Variants in EBF2 observed in about 807,000 individuals in gnomAD.
EBF2 encodes transcription factor COE2.
In EBF2, 21 loss-of-function variants were observed where a neutral mutation model predicts 72.8. The observed-to-expected ratio is 0.29, with a 90% CI of 0.20 to 0.42. The LOEUF (loss-of-function observed/expected upper bound fraction) is 0.42. EBF2 is among the 10% of genes least tolerant of loss of function. The pLI is 1.00. For synonymous variants in EBF2, 299 were observed against 274.2 expected (o/e 1.09, Z -0.89); for missense variants, 637 against 731.2 (o/e 0.87, Z 1.49).
At chr8:25,945,575 A>G (rs139795104) in intron 6 of EBF2, among the ~76,000 whole-genome samples, 142 of 151,818 alleles carry the variant, frequency 9.4e-4, no homozygotes, top group African/African-American at 3.3e-3. Context: ...ACACAGAACC[A>G]ACTATTTCTT....
intron 6 of EBF2, among the ~76,000 whole-genome samples, chr8:26,011,484 T>C (rs1403551024): frequency 6.6e-6 from 1 of 150,854 alleles, no homozygotes; most frequent in Non-Finnish European, 1.5e-5. Context: ...TCTCCCTGCC[T>C]CAACTTTCAA....
chr8:25,970,309 G>A (rs550441871), intron 6 of EBF2, among the ~76,000 whole-genome samples: 6 of 152,134 alleles, frequency 3.9e-5, no homozygotes, highest in South Asian at 2.1e-4. Context: ...CATTCGCTTC[G>A]ACAGGAGCCT....
At chr8:25,918,205 C>T (rs1038152628) in intron 6 of EBF2, among the ~76,000 whole-genome samples, 5 of 152,186 alleles carry the variant, frequency 3.3e-5, no homozygotes, top group African/African-American at 9.6e-5. Flanking sequence ...AGCTTTCTAC[C>T]TATCGCAACT....
At chr8:25,931,754 C>T (rs1319075572) in intron 6 of EBF2, among the ~76,000 whole-genome samples, 3 of 152,016 alleles carry the variant, frequency 2.0e-5, no homozygotes, top group African/African-American at 7.2e-5. Flanking sequence ...TGTAGATCTT[C>T]CATCTTTCGT....
intron 6 of EBF2, among the ~76,000 whole-genome samples, chr8:25,922,597 A>G (rs1249357293): frequency 5.3e-5 from 8 of 152,228 alleles, no homozygotes; most frequent in Admixed American, 6.5e-5. Context: ...CAACACACTC[A>G]CATCCATATA....
At chr8:25,899,916 G>A (rs938975073) in intron 7 of EBF2, among the ~76,000 whole-genome samples, 4 of 152,086 alleles carry the variant, frequency 2.6e-5, no homozygotes, top group Admixed American at 6.5e-5. Context: ...ATTCCCATCC[G>A]GCAGATCTTT....
chr8:25,948,262 C>G (rs535090715), intron 6 of EBF2, among the ~76,000 whole-genome samples: 3 of 152,170 alleles, frequency 2.0e-5, no homozygotes, highest in Non-Finnish European at 4.4e-5. Context: ...TCCACCCCAG[C>G]GCAAGGGCTC....
rs1455681101 is a variant in EBF2, at chr8:25,878,493, C to T, written c.1009+8262G>A. 3.3e-5 allele frequency among the ~76,000 whole-genome samples: 5 copies of T among 152,280 alleles called. No individual in the cohort carries two copies. The South Asian group carries it at 6.2e-4, about 19-fold the overall frequency. On this transcript the variant is annotated intron_variant, in intron 10 of 15. Transcript: ENST00000520164. ...GGAAGCCACTGATAGTGGATGAAGACGAAATTGGCTTTTCATGTCAGTAGC... is the reference window on the plus strand; with the variant it reads ...GGAAGCCACTGATAGTGGATGAAGATGAAATTGGCTTTTCATGTCAGTAGC...
intron 10 of EBF2, among the ~76,000 whole-genome samples, chr8:25,863,553 C>A (rs1317684823): frequency 6.6e-6 from 1 of 151,998 alleles, no homozygotes; most frequent in Non-Finnish European, 1.5e-5. Context: ...TTCATTTATT[C>A]TTTAAAAGTT....
chr8:25,864,036 A>T (rs766886220), intron 10 of EBF2, among the ~76,000 whole-genome samples: 7 of 152,182 alleles, frequency 4.6e-5, no homozygotes, highest in Admixed American at 1.3e-4. Context: ...TCCTAATATC[A>T]GGCAATTAAT....
chr8:26,011,065 A>T (rs1804973818), intron 6 of EBF2, among the ~76,000 whole-genome samples: 1 of 152,126 alleles, frequency 6.6e-6, no homozygotes, highest in Non-Finnish European at 1.5e-5. Flanking sequence ...TAATAACTCC[A>T]CTGCTTCGGA....
chr8:25,913,706 G>C (rs753845185), intron 6 of EBF2, among the ~76,000 whole-genome samples: 1 of 152,132 alleles, frequency 6.6e-6, no homozygotes, highest in African/African-American at 2.4e-5. Context: ...GCTGTATCTG[G>C]TTCTCTTTCT....
At chr8:26,027,390 G>A (rs1026729101) in intron 6 of EBF2, among the ~76,000 whole-genome samples, 4 of 151,940 alleles carry the variant, frequency 2.6e-5, no homozygotes, top group Non-Finnish European at 5.9e-5. Context: ...TGGACCAAAG[G>A]TGAAACCAGC....
intron 6 of EBF2, chr8:26,031,974 A>G (rs1805414907): frequency 6.6e-6 from 1 of 152,232 alleles, no homozygotes; most frequent in Non-Finnish European, 1.5e-5. Flanking sequence ...TGGCAAAGAC[A>G]CTATACACAT....
chr8:25,972,254 G>T (rs1014923988), intron 6 of EBF2, among the ~76,000 whole-genome samples: 1 of 152,108 alleles, frequency 6.6e-6, no homozygotes, highest in Admixed American at 6.6e-5. Context: ...TAGACCCCGA[G>T]GGAGCCAACA....
chr8:25,986,026 G>A (rs1457498458), intron 6 of EBF2, among the ~76,000 whole-genome samples: 1,247 of 26,484 alleles, frequency 0.047, 4 homozygotes, highest in Non-Finnish European at 0.062. Flanking sequence ...AAAAAAAAAA[G>A]TACATGAGGG....
At chr8:26,024,979 A>G (rs888803113) in intron 6 of EBF2, among the ~76,000 whole-genome samples, 13 of 152,212 alleles carry the variant, frequency 8.5e-5, no homozygotes, top group Non-Finnish European at 4.4e-5. Flanking sequence ...AATAATGCCC[A>G]TACCCCTGAA....
chr8:25,852,503 G>A (rs1043855845), intron 14 of EBF2, among the ~76,000 whole-genome samples: 2 of 152,064 alleles, frequency 1.3e-5, no homozygotes, highest in Admixed American at 6.6e-5. Context: ...ATGTGAATGA[G>A]GCATTCACAC....
At chr8:25,854,641 A>C (rs1180852051) in intron 14 of EBF2, among the ~76,000 whole-genome samples, 6 of 152,294 alleles carry the variant, frequency 3.9e-5, no homozygotes, top group African/African-American at 1.4e-4. Flanking sequence ...TGTAATGAGA[A>C]TACTACTATT....
Sources: allele counts gnomAD v4.1 joint callset (sites outside exome capture counted in the v4.1 genomes callset), GRCh38; gene constraint gnomAD v4.1.1; transcripts MANE v1.5; gene names NCBI Gene and HGNC (gene_info 2026-07-23, HGNC 2026-07-21).